SCAPER: variants seen among roughly 807,000 people sequenced by gnomAD.
SCAPER encodes S-phase cyclin A associated protein in the ER.
A neutral mutation model predicts 182.2 loss-of-function variants in SCAPER; 98 were observed. The ratio of observed to expected loss-of-function variants is 0.54; its 90% CI spans 0.46 to 0.64. The LOEUF (loss-of-function observed/expected upper bound fraction) is 0.64, where lower values mean the gene tolerates loss of function less well. Among genes scored for constraint, SCAPER ranks in the 30% least tolerant of loss-of-function variants. SCAPER has a pLI of 0.00. For synonymous variants in SCAPER, 605 were observed against 564.6 expected, an observed-to-expected ratio of 1.07 and a Z score of -1.01; for missense variants, 1,432 against 1,690.0, an observed-to-expected ratio of 0.85 and a Z score of 2.68.
At position 76,471,213 on chromosome 15, in the gene SCAPER, G is replaced by A. The variant is rs757884889; in HGVS notation, c.3077C>T (p.Thr1026Met). Residue 1026 changes from threonine to methionine, a missense_variant and splice_region_variant, in exon 25 of 32, where the codon ACG (threonine) becomes ATG (methionine). Physicochemically the swap from Thr to Met is moderately conservative, Grantham distance 81. This residue lies in a region of SCAPER where 718 missense variants were observed against 799.7 expected (regional missense o/e 0.90). Coordinates refer to ENST00000563290, the MANE Select transcript of SCAPER (RefSeq NM_020843.4). ...ACTCAAAGCAATAATATTACATACC[G>A]TCAACTGGTGTATCAGGAGGTCCAT... The part of the protein sequence containing the change: ...FLMDLLIHQL[T>M]VYVPDENNTI... 3.1e-5 allele frequency: 49 copies of A among 1,601,238 alleles called. No individual in the cohort carries two copies. The highest frequency in any genetic ancestry group is 8.1e-5 in the African/African-American group (6 of 73,858).
At chr15:76,485,261 T>C (rs1012526199) in intron 24 of SCAPER, among the ~76,000 whole-genome samples, 2 of 151,896 alleles carry the variant, frequency 1.3e-5, no homozygotes, top group African/African-American at 2.4e-5. Flanking sequence ...AAGAGCCAAA[T>C]CAGGAACATA....
At chr15:76,435,090 T>TCACTTGGATC (rs1375374230) in intron 25 of SCAPER, among the ~76,000 whole-genome samples, 1 of 152,182 alleles carries the variant, frequency 6.6e-6, no homozygotes, top group Non-Finnish European at 1.5e-5. Flanking sequence ...GAATAAATGA[T>TCACTTGGATC]CACTTGGATC....
At chr15:76,478,562 T>C (rs903812246) in intron 24 of SCAPER, among the ~76,000 whole-genome samples, 1 of 152,186 alleles carries the variant, frequency 6.6e-6, no homozygotes, top group Non-Finnish European at 1.5e-5. Flanking sequence ...GAATTATCAC[T>C]GTGTATGGTA....
chr15:76,381,499 G>T lies in SCAPER; in HGVS notation c.3584C>A (p.Thr1195Asn). Residue 1195 changes from threonine to asparagine, a missense_variant, in exon 28 of 32, where the codon ACC becomes AAC. By Grantham distance (65) the Thr-to-Asn change is moderately conservative. Around this residue, in one of 5 missense-constraint regions of SCAPER, gnomAD observed 718 missense variants for 799.7 expected, o/e 0.90. Coordinates refer to ENST00000563290, the MANE Select transcript of SCAPER (RefSeq NM_020843.4). ...ACTGGCAGTGCTGGGGTCCAAGATGGTGCCATGGAAGAGGACACAGTAGAG... is the reference window on the plus strand; with the variant it reads ...ACTGGCAGTGCTGGGGTCCAAGATGTTGCCATGGAAGAGGACACAGTAGAG... Reference protein sequence around the residue: ...HMLYCVLFHGTILDPSTASPK... With the variant: ...HMLYCVLFHGNILDPSTASPK... 3 of 1,613,648 alleles carry T rather than the reference G, an allele frequency of 1.9e-6. No homozygotes were observed. The highest frequency in any genetic ancestry group is 2.5e-6 in the Non-Finnish European group (3 of 1,179,804).
At chr15:76,854,139 T>A (rs2151844643) in intron 4 of SCAPER, among the ~76,000 whole-genome samples, 1 of 152,088 alleles carries the variant, frequency 6.6e-6, no homozygotes, top group South Asian at 2.1e-4. Flanking sequence ...CATGGTGACG[T>A]GAACCTGTAG....
chr15:76,606,935 A>G (rs1415570368), intron 22 of SCAPER, among the ~76,000 whole-genome samples: 2 of 152,148 alleles, frequency 1.3e-5, no homozygotes, highest in Non-Finnish European at 2.9e-5. Context: ...GGGTTTCCTG[A>G]ATACAGCACA....
Position 76,667,920 on chromosome 15 carries a change from G to T in SCAPER, c.2509-2131C>A, listed in dbSNP as rs192185499. Among the ~76,000 whole-genome samples, 52 of 151,724 alleles carry T rather than the reference G, an allele frequency of 3.4e-4. No homozygotes were observed. In the East Asian group the frequency reaches 9.7e-3, roughly 28 times the overall value. On this transcript the variant is annotated intron_variant, in intron 20 of 31. Transcript: ENST00000563290. ...AGAGGTTGCAATGAGCCAAGATCGT[G>T]CCACTGCACTCCAGCCTGGGCAACA...
At chr15:76,474,674 T>C (rs1017882594) in intron 24 of SCAPER, among the ~76,000 whole-genome samples, 1 of 152,238 alleles carries the variant, frequency 6.6e-6, no homozygotes, top group Non-Finnish European at 1.5e-5. Flanking sequence ...AAGTACTTAA[T>C]AAATGGTAGC....
At chr15:76,357,975 C>T (rs553055662) in intron 29 of SCAPER, among the ~76,000 whole-genome samples, 33 of 152,252 alleles carry the variant, frequency 2.2e-4, no homozygotes, top group African/African-American at 7.2e-4. Flanking sequence ...TGAGAAATTA[C>T]CTGATGGGTA....
chr15:76,488,819 A>AG, intron 24 of SCAPER, among the ~76,000 whole-genome samples: 1 of 139,378 alleles, frequency 7.2e-6, no homozygotes, highest in East Asian at 2.1e-4. Flanking sequence ...TCTGCCCCCC[A>AG]GGTTCAAGCG....
chr15:76,537,134 C>T (rs1280555868), intron 23 of SCAPER, among the ~76,000 whole-genome samples: 1 of 151,578 alleles, frequency 6.6e-6, no homozygotes, highest in Non-Finnish European at 1.5e-5. Context: ...TGAAAATGGC[C>T]ATACTGCCCA....
chr15:76,426,429 T>C (rs947124119), intron 26 of SCAPER, among the ~76,000 whole-genome samples: 1 of 152,208 alleles, frequency 6.6e-6, no homozygotes, highest in African/African-American at 2.4e-5. Context: ...TATAATCTCC[T>C]GGTGTGCCAT....
intron 14 of SCAPER, among the ~76,000 whole-genome samples, chr15:76,756,383 T>C (rs904928637): frequency 4.6e-5 from 7 of 151,810 alleles, no homozygotes; most frequent in African/African-American, 9.7e-5. Context: ...TTGAGACCAG[T>C]CTGGGCAACA....
intron 26 of SCAPER, among the ~76,000 whole-genome samples, chr15:76,415,157 G>T (rs1301837935): frequency 2.6e-5 from 4 of 152,140 alleles, no homozygotes; most frequent in Non-Finnish European, 5.9e-5. Context: ...GGAAACTGCA[G>T]TTTTTTTGAT....
chr15:76,580,535 C>G (rs931738310), intron 22 of SCAPER, among the ~76,000 whole-genome samples: 1 of 152,140 alleles, frequency 6.6e-6, no homozygotes, highest in South Asian at 2.1e-4. Context: ...TAGAAGGCCC[C>G]CTTGAAGCCA....
rs541374985 is a variant in SCAPER, at chr15:76,371,926, A to G, written c.3855+4236T>C. On this transcript the variant is annotated intron_variant, in intron 29 of 31. Coordinates refer to ENST00000563290, the MANE Select transcript of SCAPER (RefSeq NM_020843.4). Reference sequence around the variant, plus strand: ...AGAGCGAAACTCTGTCTCAAAAAAAAAATAAATAAATATTATGCTTAGAAA... The same window carrying G: ...AGAGCGAAACTCTGTCTCAAAAAAAGAATAAATAAATATTATGCTTAGAAA... Among the ~76,000 whole-genome samples the G allele has an allele frequency of 3.3e-5, 5 of 152,196 alleles. No homozygotes were observed. In the South Asian group the frequency reaches 1.0e-3, roughly 32 times the overall value.
intron 3 of SCAPER, 149 bp from the exon 4 acceptor site, chr15:76,858,028 A>C (rs985256488): frequency 1.8e-6 from 1 of 563,786 alleles, no homozygotes; most frequent in South Asian, 2.8e-5. Flanking sequence ...ACCACAGTAT[A>C]GTACAGTCTG....
At chr15:76,677,359 CAGT>C (rs1309942984) in intron 20 of SCAPER, among the ~76,000 whole-genome samples, 2 of 151,914 alleles carry the variant, frequency 1.3e-5, no homozygotes, top group African/African-American at 2.4e-5. Context: ...CAGCTTGATG[CAGT>C]AGAAGGAGCA....
chr15:76,574,517 C>T (rs981384538), intron 22 of SCAPER, among the ~76,000 whole-genome samples: 3 of 152,128 alleles, frequency 2.0e-5, no homozygotes, highest in African/African-American at 7.2e-5. Flanking sequence ...TATTATCAAT[C>T]TACAGGATTA....
Sources: gnomAD v4.1 joint callset for allele counts (sites outside exome capture counted in the v4.1 genomes callset) on GRCh38, gnomAD v4.1.1 for gene constraint, gnomAD v4.1.1 regional missense constraint, MANE v1.5 for transcripts, NCBI Gene and HGNC (gene_info 2026-07-23, HGNC 2026-07-21) for gene names.